PLXNB2: variants seen among roughly 807,000 people sequenced by gnomAD.
PLXNB2 encodes the protein plexin-B2.
A neutral mutation model predicts 202.6 loss-of-function variants in PLXNB2; 85 were observed. That is an observed-to-expected ratio of 0.42 (90% CI 0.35 to 0.50). The LOEUF (loss-of-function observed/expected upper bound fraction) is 0.50. Among genes scored for constraint, PLXNB2 ranks in the 20% least tolerant of loss-of-function variants. The probability of loss-of-function intolerance (pLI) is 0.02; values close to 1 mark genes in which losing one functional copy is unlikely to be tolerated. For missense variants in PLXNB2, 2,063 were observed against 2,586.2 expected (o/e 0.80, Z 4.39); for synonymous variants, 1,239 against 1,137.6 (o/e 1.09, Z -1.79).
rs751262483 is a variant in PLXNB2, at chr22:50,297,077, C to A, written c.-73-2299G>T. On this transcript the variant is annotated intron_variant, in intron 1 of 36. Transcript: ENST00000359337. The surrounding 1 kb of genome is among the most constrained non-coding windows in gnomAD (Gnocchi z 5.3). ...CTGCTCCTCTGGCAAACTCAGGAGC[C>A]AAAGCACAGGGCAGCACCGGGTCTC... 1.1e-4 allele frequency among the ~76,000 whole-genome samples: 17 copies of A among 152,202 alleles called. No individual in the cohort carries two copies. Among genetic ancestry groups the A allele is most frequent in the Non-Finnish European group, 2.2e-4 (15 of 68,022 alleles).
rs1253609856 is a variant in PLXNB2, at chr22:50,288,717, G to T, written c.1380+26C>A. ...TGACCGGGCACACTTGGCCTAGAGT[G>T]CTCTCCGGGGCTGCGTCTGGCTCAC... is the stretch of plus-strand genomic sequence containing the variant. On this transcript the variant is annotated intron_variant, in intron 5 of 36. Transcript: ENST00000359337. This position sits in a 1 kb window ranked among gnomAD's most constrained non-coding sequence, Gnocchi z 5.0. 1 of 1,611,522 alleles carries T rather than the reference G, an allele frequency of 6.2e-7. No homozygotes were observed. The highest frequency in any genetic ancestry group is 8.5e-7 in the Non-Finnish European group (1 of 1,179,412).
In PLXNB2 at chr22:50,307,571, G is replaced by C; in HGVS notation, c.-92C>G. 2.0e-6 allele frequency: 2 copies of C among 981,916 alleles called. No individual in the cohort carries two copies. The highest frequency in any genetic ancestry group is 2.4e-6 in the Non-Finnish European group (2 of 828,634). The allele number at this position is 981,916 out of a possible 1,614,324, so 60.8% of individuals were successfully genotyped here. On this transcript the variant is annotated 5_prime_UTR_variant, in exon 1 of 37. Transcript: ENST00000359337. Reference sequence around the variant, plus strand: ...TCGGTACCTGCACGTCCGCCGCCAAGGCTCGATGGCGCCCGGGCCGCGCTC... The same window carrying C: ...TCGGTACCTGCACGTCCGCCGCCAACGCTCGATGGCGCCCGGGCCGCGCTC...
At chr22:50,298,918 T>A (rs1029753392) in intron 1 of PLXNB2, among the ~76,000 whole-genome samples, 1 of 152,228 alleles carries the variant, frequency 6.6e-6, no homozygotes. Context: ...AGTGCTGGAA[T>A]TACAGGCGTG....
intron 27 of PLXNB2, 106 bp from the exon 28 acceptor site, chr22:50,279,117 T>A: frequency 7.9e-7 from 1 of 1,265,148 alleles, no homozygotes; most frequent in Non-Finnish European, 1.1e-6. Flanking sequence ...AGCGGCACCC[T>A]TGGGCAGCAG....
intron 1 of PLXNB2, among the ~76,000 whole-genome samples, chr22:50,299,947 G>A (rs1487629255): frequency 6.6e-6 from 1 of 152,158 alleles, no homozygotes; most frequent in Admixed American, 6.5e-5. Flanking sequence ...ACTCCCCGGA[G>A]GGCGCAGAAC....
Position 50,294,754 on chromosome 22 carries a change from T to G in PLXNB2, c.-49A>C. ...GGCTCCAGTGGTCCAGCTCAGTTTC[T>G]GCTCCAGGCCAGCATCGAGATTCTC... On this transcript the variant is annotated 5_prime_UTR_variant, in exon 2 of 37. Coordinates refer to ENST00000359337, the MANE Select transcript of PLXNB2 (RefSeq NM_012401.4). The G allele has an allele frequency of 1.0e-6, 1 of 985,648 alleles. No individual in the cohort carries two copies. The highest frequency in any genetic ancestry group is 1.2e-6 in the Non-Finnish European group (1 of 830,084). The allele number at this position is 985,648 out of a possible 1,614,324, so 61.1% of individuals were successfully genotyped here.
intron 1 of PLXNB2, among the ~76,000 whole-genome samples, chr22:50,306,588 GAAGTCAGACATT>G (rs1308837871): frequency 7.3e-6 from 1 of 137,756 alleles, no homozygotes; most frequent in African/African-American, 2.6e-5. Flanking sequence ...AGCAAGGGCC[GAAGTCAGACATT>G]AAGTGGGGAG....
At chr22:50,290,724 C>G in intron 2 of PLXNB2, 127 bp from the exon 3 acceptor site, 1 of 1,022,888 alleles carries the variant, frequency 9.8e-7, no homozygotes, top group Non-Finnish European at 1.4e-6. Flanking sequence ...AACTGAGGAA[C>G]CTGGAGCTCC....
chr22:50,286,687 A>G (rs1376618293), intron 8 of PLXNB2, among the ~76,000 whole-genome samples: 1 of 152,138 alleles, frequency 6.6e-6, no homozygotes, highest in Non-Finnish European at 1.5e-5. Context: ...ACTGCCCCCA[A>G]AACTCAGGGG....
chr22:50,295,565 A>G lies in PLXNB2; in HGVS notation c.-73-787T>C, dbSNP rs1206862169. On this transcript the variant is annotated intron_variant, in intron 1 of 36. Transcript: ENST00000359337. ...CTATTGTATCTTCCCTTGCTATTGT[A>G]TCTTCTAGTTCTGGATAAACACCGA... is the stretch of plus-strand genomic sequence containing the variant. Among the ~76,000 whole-genome samples the G allele has an allele frequency of 2.6e-5, 4 of 152,298 alleles. No homozygotes were observed. The East Asian group carries it at 7.7e-4, about 29-fold the overall frequency.
At chr22:50,294,920 T>G (rs954841255) in intron 1 of PLXNB2, 142 bp from the exon 2 acceptor site, 3 of 201,742 alleles carry the variant, frequency 1.5e-5, no homozygotes, top group Non-Finnish European at 2.7e-5. Flanking sequence ...CTCTGGCCCC[T>G]GCACAGCCCC....
rs1425211105 is a variant in PLXNB2, at chr22:50,286,159, C to A, written c.1877+14G>T. ...GGACGGGCAGGGTGGGGTCGATGGG[C>A]ACAAGACACTCACGGCAGGTTCTCC... On this transcript the variant is annotated intron_variant, in intron 9 of 36. Coordinates refer to ENST00000359337, the MANE Select transcript of PLXNB2 (RefSeq NM_012401.4). The A allele has an allele frequency of 6.2e-7, 1 of 1,611,066 alleles. No individual in the cohort carries two copies. Among genetic ancestry groups the A allele is most frequent in the African/African-American group, 1.3e-5 (1 of 74,890 alleles).
intron 11 of PLXNB2, chr22:50,285,063 T>C: frequency 2.5e-6 from 1 of 396,720 alleles, no homozygotes; most frequent in Non-Finnish European, 4.9e-6. Flanking sequence ...CCTCCTGGCC[T>C]CTGTCCCCGA....
At chr22:50,292,921 T>A (rs1407845210) in intron 2 of PLXNB2, among the ~76,000 whole-genome samples, 1 of 151,934 alleles carries the variant, frequency 6.6e-6, no homozygotes, top group Non-Finnish European at 1.5e-5. Context: ...CAGAACTCCC[T>A]CCCTGCACTG....
chr22:50,278,572 G>C, intron 29 of PLXNB2, 24 bp downstream of exon 29: 2 of 1,604,582 alleles, frequency 1.2e-6, no homozygotes, highest in Non-Finnish European at 1.7e-6. Flanking sequence ...CCCAGTTCTC[G>C]CCCGCCCCGG....
intron 1 of PLXNB2, among the ~76,000 whole-genome samples, chr22:50,298,865 C>T (rs757541161): frequency 6.6e-6 from 1 of 152,222 alleles, no homozygotes; most frequent in African/African-American, 2.4e-5. Context: ...AGACCGGTTT[C>T]GAACTCCTGA....
chr22:50,275,248 G>A lies in PLXNB2; in HGVS notation c.*456C>T, dbSNP rs987215631. On this transcript the variant is annotated 3_prime_UTR_variant, in exon 37 of 37. Transcript: ENST00000359337. Reference sequence around the variant, plus strand: ...GGTGAGGTCAGGAAGGCATCGTACCGCTTTTTCTCCTCCTCCCATCTCGTG... The same window carrying A: ...GGTGAGGTCAGGAAGGCATCGTACCACTTTTTCTCCTCCTCCCATCTCGTG... The A allele has an allele frequency of 1.3e-5, 5 of 375,880 alleles. No homozygotes were observed. Among genetic ancestry groups the A allele is most frequent in the African/African-American group, 6.4e-5 (3 of 46,936 alleles). 23.3% of individuals were successfully genotyped at this position (375,880 alleles called of 1,614,324 possible).
chr22:50,292,164 C>T (rs1353708855), intron 2 of PLXNB2, among the ~76,000 whole-genome samples: 2 of 151,970 alleles, frequency 1.3e-5, no homozygotes, highest in Non-Finnish European at 2.9e-5. Flanking sequence ...GGTGAAACCC[C>T]GTCTCTACTA....
In PLXNB2 at chr22:50,284,321, G is replaced by T; in HGVS notation, c.2182-108C>A. On this transcript the variant is annotated intron_variant, in intron 12 of 36. Transcript: ENST00000359337. The surrounding 1 kb of genome is among the most constrained non-coding windows in gnomAD (Gnocchi z 8.0). ...GGCCACCGGGTCCCTTCCCAGCCAAGGGCAGCAGGGGAGGCCTTCAGGTGT... is the reference window on the plus strand; with the variant it reads ...GGCCACCGGGTCCCTTCCCAGCCAATGGCAGCAGGGGAGGCCTTCAGGTGT... 9.4e-7 allele frequency: 1 copy of T among 1,060,222 alleles called. No homozygotes were observed. The highest frequency in any genetic ancestry group is 1.4e-6 in the Non-Finnish European group (1 of 691,166). The allele number at this position is 1,060,222 out of a possible 1,614,324, so 65.7% of individuals were successfully genotyped here. A position where few individuals can be genotyped will look rare whatever the true frequency, so the allele number is the denominator to read the frequency against.
Sources: gnomAD v4.1 joint callset for allele counts (sites outside exome capture counted in the v4.1 genomes callset) on GRCh38, gnomAD v4.1.1 for gene constraint, Gnocchi (gnomAD v3.1) non-coding constraint, MANE v1.5 for transcripts, NCBI Gene and HGNC (gene_info 2026-07-23, HGNC 2026-07-21) for gene names.